DMD: variants seen among roughly 807,000 people sequenced by gnomAD.
DMD encodes mutant dystrophin.
In DMD, 63 loss-of-function variants were observed where a neutral mutation model predicts 330.1. The ratio of observed to expected loss-of-function variants is 0.19; its 90% CI spans 0.16 to 0.24. The LOEUF is 0.24. Among genes scored for constraint, DMD ranks in the 10% least tolerant of loss-of-function variants. DMD has a pLI of 1.00. For synonymous variants in DMD, 1,223 were observed against 959.8 expected, an observed-to-expected ratio of 1.27 and a Z score of -5.07; for missense variants, 3,344 against 2,684.1, an observed-to-expected ratio of 1.25 and a Z score of -5.43.
chrX:31,525,794 T>C (rs1302883580), intron 55 of DMD, among the ~76,000 whole-genome samples: 2 of 112,738 alleles, frequency 1.8e-5, no homozygotes, highest in East Asian at 2.8e-4. Flanking sequence ...AATCTGTTGT[T>C]ACAGCAAAAA....
At chrX:31,219,358 G>A (rs1473201027) in intron 64 of DMD, among the ~76,000 whole-genome samples, 3 of 111,200 alleles carry the variant, frequency 2.7e-5, no homozygotes, top group Admixed American at 9.6e-5. Flanking sequence ...TGGAGCTACC[G>A]TGAAACACTC....
chrX:31,986,642 C>T (rs1222520440), intron 44 of DMD, among the ~76,000 whole-genome samples: 2 of 111,446 alleles, frequency 1.8e-5, no homozygotes, highest in East Asian at 5.7e-4. Flanking sequence ...GATCTCTTGA[C>T]CTCGTGATCC....
chrX:32,786,079 GAAT>G (rs2075329045), intron 7 of DMD, among the ~76,000 whole-genome samples: 1 of 94,345 alleles, frequency 1.1e-5, no homozygotes, highest in Non-Finnish European at 2.1e-5. Flanking sequence ...TCTTGAGGAG[GAAT>G]AAGAGTGTGT....
intron 27 of DMD, among the ~76,000 whole-genome samples, chrX:32,444,976 C>A (rs938497799): frequency 4.5e-5 from 5 of 110,962 alleles, no homozygotes; most frequent in Non-Finnish European, 9.5e-5. Context: ...CTGAAAGGTA[C>A]GGAGTATAGG....
chrX:31,448,640 G>A (rs894573541), intron 59 of DMD, among the ~76,000 whole-genome samples: 1 of 112,284 alleles, frequency 8.9e-6, no homozygotes, highest in African/African-American at 3.2e-5. Flanking sequence ...AGTGATATCA[G>A]GATTGCATTA....
chrX:32,881,770 G>A (rs183908312), intron 2 of DMD, among the ~76,000 whole-genome samples: 2 of 111,909 alleles, frequency 1.8e-5, no homozygotes, highest in Admixed American at 1.9e-4. Flanking sequence ...ATGCTGGTTA[G>A]AGATTTTATC....
At chrX:32,530,192 T>C (rs1452664539) in intron 17 of DMD, among the ~76,000 whole-genome samples, 1 of 112,547 alleles carries the variant, frequency 8.9e-6, no homozygotes, top group African/African-American at 3.2e-5. Context: ...CCGAATTATA[T>C]ACTTAGTATG....
intron 51 of DMD, among the ~76,000 whole-genome samples, chrX:31,757,418 T>C (rs940128074): frequency 8.9e-6 from 1 of 112,141 alleles, no homozygotes. Context: ...GTGCTGCTGG[T>C]AGACAGCCTT....
intron 43 of DMD, among the ~76,000 whole-genome samples, chrX:32,217,704 T>G (rs962907191): frequency 9.0e-6 from 1 of 111,316 alleles, no homozygotes; most frequent in Admixed American, 9.7e-5. Context: ...GAAACCTGAT[T>G]TGATCATTAC....
chrX:31,404,042 A>C (rs993438401), intron 60 of DMD, among the ~76,000 whole-genome samples: 1 of 110,304 alleles, frequency 9.1e-6, no homozygotes, highest in African/African-American at 3.3e-5. Context: ...AGCCTTCTTC[A>C]CTTCTTTCCT....
chrX:32,836,335 A>T (rs1011040985), intron 4 of DMD, among the ~76,000 whole-genome samples: 5 of 110,692 alleles, frequency 4.5e-5, no homozygotes, highest in Non-Finnish European at 9.4e-5. Context: ...CTCGGCCTCA[A>T]CTTCATTTTT....
intron 54 of DMD, among the ~76,000 whole-genome samples, chrX:31,656,995 G>A (rs1254965391): frequency 2.7e-5 from 3 of 111,408 alleles, no homozygotes; most frequent in Admixed American, 9.5e-5. Flanking sequence ...TTAGTTGGCC[G>A]CTTAATTTCC....
At chrX:32,739,885 C>A (rs1211443065) in intron 7 of DMD, among the ~76,000 whole-genome samples, 4 of 110,307 alleles carry the variant, frequency 3.6e-5, no homozygotes, top group African/African-American at 1.3e-4. Context: ...CCAACACTCC[C>A]TGTTTTAACA....
intron 7 of DMD, among the ~76,000 whole-genome samples, chrX:32,783,844 A>C (rs1041125001): frequency 9.0e-6 from 1 of 110,986 alleles, no homozygotes; most frequent in Non-Finnish European, 1.9e-5. Context: ...CTTAAAGTAT[A>C]ATCTATAAGG....
At chrX:32,933,980 C>A (rs764468036) in intron 2 of DMD, among the ~76,000 whole-genome samples, 42 of 111,372 alleles carry the variant, frequency 3.8e-4, no homozygotes, top group Non-Finnish European at 6.0e-4. Flanking sequence ...TATTCTGCTT[C>A]AGTGGAATGT....
chrX:31,772,002 C>A (rs1438385079), intron 51 of DMD, among the ~76,000 whole-genome samples: 1 of 111,831 alleles, frequency 8.9e-6, no homozygotes, highest in African/African-American at 3.3e-5. Flanking sequence ...CTGGTAACTT[C>A]TGCAGGAAGC....
intron 51 of DMD, among the ~76,000 whole-genome samples, chrX:31,761,735 C>T (rs1216886181): frequency 8.9e-6 from 1 of 112,298 alleles, no homozygotes; most frequent in East Asian, 2.8e-4. Flanking sequence ...GAAAGATAGA[C>T]ATGAATAATA....
At chrX:32,697,547 A>G (rs777624529) in intron 9 of DMD, among the ~76,000 whole-genome samples, 2 of 112,175 alleles carry the variant, frequency 1.8e-5, no homozygotes, top group Admixed American at 9.5e-5. Flanking sequence ...TTTCGAAGTT[A>G]CATATATAAA....
chrX:32,120,976 G>C (rs1420520190), intron 44 of DMD, among the ~76,000 whole-genome samples: 1 of 112,232 alleles, frequency 8.9e-6, no homozygotes, highest in Non-Finnish European at 1.9e-5. Context: ...CCTGATTGAG[G>C]CATTATTAGT....
Sources: gnomAD v4.1 joint callset for allele counts (sites outside exome capture counted in the v4.1 genomes callset) on GRCh38, gnomAD v4.1.1 for gene constraint, MANE v1.5 for transcripts, NCBI Gene and HGNC (gene_info 2026-07-23, HGNC 2026-07-21) for gene names.